Variants in RAI2 observed in about 807,000 individuals in gnomAD.
The protein encoded by RAI2 is retinoic acid-induced protein 2.
In RAI2, 5 loss-of-function variants were observed where a neutral mutation model predicts 15.3. That is an observed-to-expected ratio of 0.33 (90% CI 0.17 to 0.69). RAI2 has a LOEUF of 0.69. RAI2 is among the 30% of genes least tolerant of loss of function. The pLI is 0.69. For missense variants in RAI2, 424 were observed against 424.7 expected, an observed-to-expected ratio of 1.00 and a Z score of 0.01; for synonymous variants, 191 against 184.0, an observed-to-expected ratio of 1.04 and a Z score of -0.31.
intron 1 of RAI2, among the ~76,000 whole-genome samples, chrX:17,822,565 G>C (rs1224378859): frequency 1.8e-5 from 2 of 111,855 alleles, no homozygotes; most frequent in Non-Finnish European, 3.8e-5. Context: ...CAGAAATTAT[G>C]ACTCAAGAGA....
rs943228129 is a variant in RAI2 at position 17,830,071 on chromosome X, A to T, written c.-24-28037T>A. On this transcript the variant is annotated intron_variant, in intron 1 of 1. Coordinates refer to ENST00000451717, the MANE Select transcript of RAI2 (RefSeq NM_021785.6). ...CCTTTTGCAAAATAACTCCCTCTCC[A>T]CTTCCCTCGCACATCATTTTTTCTT... 3.6e-5 allele frequency among the ~76,000 whole-genome samples: 4 copies of T among 112,038 alleles called. No individual in the cohort carries two copies. In the Admixed American group the frequency reaches 3.8e-4, roughly 11 times the overall value.
At chrX:17,843,432 A>T (rs894334438) in intron 1 of RAI2, among the ~76,000 whole-genome samples, 9 of 112,657 alleles carry the variant, frequency 8.0e-5, no homozygotes, top group African/African-American at 2.9e-4. Context: ...CCCTTCAGCA[A>T]TGAATGTGCC....
At chrX:17,852,785 T>A (rs1813556062) in intron 1 of RAI2, among the ~76,000 whole-genome samples, 1 of 111,871 alleles carries the variant, frequency 8.9e-6, no homozygotes, top group Non-Finnish European at 1.9e-5. Context: ...GAAACAAATG[T>A]GTGTAAAAGG....
At chrX:17,833,366 T>G (rs748805768) in intron 1 of RAI2, among the ~76,000 whole-genome samples, 1 of 110,614 alleles carries the variant, frequency 9.0e-6, no homozygotes, top group Admixed American at 9.6e-5. Flanking sequence ...TACTAAAAAT[T>G]CAAAAATTAG....
chrX:17,812,034 C>A (rs1366311446), intron 1 of RAI2, among the ~76,000 whole-genome samples: 1 of 111,887 alleles, frequency 8.9e-6, no homozygotes, highest in Non-Finnish European at 1.9e-5. Flanking sequence ...TAAATCATGG[C>A]AATTATTGTA....
intron 1 of RAI2, among the ~76,000 whole-genome samples, chrX:17,840,981 G>A (rs1333947471): frequency 8.9e-6 from 1 of 112,056 alleles, no homozygotes; most frequent in African/African-American, 3.2e-5. Flanking sequence ...GAATTAGAGA[G>A]GGAAACAAAT....
intron 1 of RAI2, among the ~76,000 whole-genome samples, chrX:17,854,443 C>T (rs967006409): frequency 8.9e-6 from 1 of 111,982 alleles, no homozygotes; most frequent in East Asian, 2.8e-4. Flanking sequence ...CTGCAGTGCC[C>T]CCACTTTGGG....
intron 1 of RAI2, among the ~76,000 whole-genome samples, chrX:17,838,701 T>C (rs750657957): frequency 9.2e-6 from 1 of 109,182 alleles, no homozygotes; most frequent in East Asian, 2.9e-4. Context: ...AGCACACTCA[T>C]GCATTGAATC....
At chrX:17,825,626 C>T (rs569238895) in intron 1 of RAI2, among the ~76,000 whole-genome samples, 1 of 112,456 alleles carries the variant, frequency 8.9e-6, no homozygotes, top group African/African-American at 3.2e-5. Context: ...GGTACTGTCC[C>T]ACACTGGGAA....
rs191012654 is a variant in RAI2 at position 17,846,537 on chromosome X, A to G, written c.-25+14561T>C. ...CTGAAGGTGCTCCTGGCTGTTGACTATGTCTGTCAGGTTTTGTTTTTGTCC... is the reference window on the plus strand; with the variant it reads ...CTGAAGGTGCTCCTGGCTGTTGACTGTGTCTGTCAGGTTTTGTTTTTGTCC... On this transcript the variant is annotated intron_variant, in intron 1 of 1. Transcript: ENST00000451717. Among the ~76,000 whole-genome samples, 177 of 112,082 alleles carry G rather than the reference A, an allele frequency of 1.6e-3. 1 individual carries two copies. Among genetic ancestry groups the G allele is most frequent in the South Asian group, 0.014 (38 of 2,674 alleles).
chrX:17,827,199 C>T (rs762674307), intron 1 of RAI2, among the ~76,000 whole-genome samples: 1 of 111,649 alleles, frequency 9.0e-6, no homozygotes, highest in Admixed American at 9.4e-5. Flanking sequence ...GTGGGCTCTG[C>T]TTCTACAGCA....
rs779168265 is a variant in RAI2 at position 17,828,579 on chromosome X, G to C, written c.-24-26545C>G. On this transcript the variant is annotated intron_variant, in intron 1 of 1. Coordinates refer to ENST00000451717, the MANE Select transcript of RAI2 (RefSeq NM_021785.6). The stretch of plus-strand genomic sequence containing the variant: ...TTCCTCTAAAACATGCCAAATCAGA[G>C]TAGAACTGTGCTACTCCTCCAAATA... Among the ~76,000 whole-genome samples the C allele has an allele frequency of 8.9e-5, 10 of 112,181 alleles. No homozygotes were observed. In the South Asian group the frequency reaches 3.4e-3, roughly 38 times the overall value.
intron 1 of RAI2, among the ~76,000 whole-genome samples, chrX:17,804,384 G>C (rs2066955236): frequency 8.9e-6 from 1 of 112,299 alleles, no homozygotes. Context: ...TCTTTGATCA[G>C]AGATCTGCTA....
Position 17,836,996 on chromosome X carries a change from C to T in RAI2, c.-25+24102G>A, listed in dbSNP as rs759418709. ...GGAGTTAACCTCAGGTTTCTCCCTA[C>T]TGAGGGAGAGAAAACAGCGGCATCT... On this transcript the variant is annotated intron_variant, in intron 1 of 1. Coordinates refer to ENST00000451717, the MANE Select transcript of RAI2 (RefSeq NM_021785.6). Among the ~76,000 whole-genome samples the T allele has an allele frequency of 2.7e-5, 3 of 112,172 alleles. No homozygotes were observed. In the South Asian group the frequency reaches 1.1e-3, roughly 42 times the overall value.
At chrX:17,838,386 TAATAA>T (rs987509624) in intron 1 of RAI2, among the ~76,000 whole-genome samples, 9 of 111,784 alleles carry the variant, frequency 8.1e-5, no homozygotes, top group Non-Finnish European at 1.3e-4. Context: ...GTTGAAAGAA[TAATAA>T]AATAAAATAG....
intron 1 of RAI2, among the ~76,000 whole-genome samples, chrX:17,854,500 A>C (rs775112381): frequency 2.8e-4 from 31 of 112,198 alleles, no homozygotes; most frequent in Non-Finnish European, 5.4e-4. Flanking sequence ...GTCAGCCTGG[A>C]GCTTCCAGGC....
chrX:17,852,843 A>T (rs966708873), intron 1 of RAI2, among the ~76,000 whole-genome samples: 1 of 112,004 alleles, frequency 8.9e-6, no homozygotes, highest in Non-Finnish European at 1.9e-5. Flanking sequence ...TTCAATCATT[A>T]CGAAAAATGA....
intron 1 of RAI2, among the ~76,000 whole-genome samples, chrX:17,816,402 G>A (rs2067107914): frequency 8.9e-6 from 1 of 112,156 alleles, no homozygotes. Flanking sequence ...CAGCAAAGGA[G>A]CAAAGGTTCC....
At chrX:17,853,836 G>A (rs781537416) in intron 1 of RAI2, among the ~76,000 whole-genome samples, 1 of 111,011 alleles carries the variant, frequency 9.0e-6, no homozygotes, top group South Asian at 3.8e-4. Context: ...GTAGGTATGG[G>A]ATATTTTAAA....
Sources: gnomAD v4.1 joint callset for allele counts (sites outside exome capture counted in the v4.1 genomes callset) on GRCh38, gnomAD v4.1.1 for gene constraint, MANE v1.5 for transcripts, NCBI Gene and HGNC (gene_info 2026-07-23, HGNC 2026-07-21) for gene names.